The following STK33 variants were observed in gnomAD, a reference collection of about 807,000 sequenced individuals.
STK33 encodes the protein serine/threonine-protein kinase 33.
STK33 carries 52 observed loss-of-function variants against 58.0 expected under a neutral mutation model. That is an observed-to-expected ratio of 0.90 (90% CI 0.72 to 1.13). The LOEUF is 1.13. STK33 is among the 50% of genes most tolerant of loss of function. STK33 has a pLI of 0.00. For synonymous variants in STK33, 215 were observed against 200.1 expected (o/e 1.07, Z -0.63); for missense variants, 630 against 604.2 (o/e 1.04, Z -0.45).
chr11:8,569,868 A>G (rs1442611507), intron 1 of STK33, among the ~76,000 whole-genome samples: 3 of 152,056 alleles, frequency 2.0e-5, no homozygotes, highest in African/African-American at 7.2e-5. Context: ...GAGATGGGAG[A>G]ATCACTTGAG....
At chr11:8,585,907 G>T (rs970032703) in intron 1 of STK33, among the ~76,000 whole-genome samples, 8 of 152,052 alleles carry the variant, frequency 5.3e-5, no homozygotes, top group Admixed American at 3.9e-4. Context: ...TACAAAATTA[G>T]CCAGGTGTGG....
chr11:8,392,828 G>C, intron 15 of STK33, 118 bp from the exon 16 acceptor site: 4 of 864,328 alleles, frequency 4.6e-6, no homozygotes, highest in Non-Finnish European at 7.1e-6. Context: ...CTAGATATAG[G>C]GTCCAAACTA....
rs146587927 is a variant in STK33, at chr11:8,469,887, A to G, written c.339+3276T>C. On this transcript the variant is annotated intron_variant, in intron 6 of 15. Coordinates refer to ENST00000687296, the MANE Select transcript of STK33 (RefSeq NM_001352389.2). ...CATTTTTGTGAGAAGTAGGTCTCAA[A>G]TGTGGGCTTAAAATTTCAGTAAACC... 3.4e-3 allele frequency among the ~76,000 whole-genome samples: 511 copies of G among 152,352 alleles called. 4 individuals are homozygous for G. Among genetic ancestry groups the G allele is most frequent in the African/African-American group, 0.012 (493 of 41,582 alleles).
In STK33 at chr11:8,452,893, C is replaced by T. The variant is rs1365572251; in HGVS notation, c.800G>A (p.Gly267Asp). The change falls in exon 11 of 16, where the codon GGC (glycine) becomes GAC (aspartate). Residue 267 changes from glycine to aspartate, a missense_variant. Physicochemically the swap from Gly to Asp is moderately conservative, Grantham distance 94. Coordinates refer to ENST00000687296, the MANE Select transcript of STK33 (RefSeq NM_001352389.2). ...CCTACTTTGCTTCTTCACCGCTAAG[C>T]CAAAATCAGTCACCTGGGAGAAGAA... Reference protein sequence around the residue: ...INLNIKVTDFGLAVKKQSRSE... With the variant: ...INLNIKVTDFDLAVKKQSRSE... 1 of 1,614,088 alleles carries T rather than the reference C, an allele frequency of 6.2e-7. No homozygotes were observed.
At position 8,457,338 on chromosome 11, in the gene STK33, T is replaced by C. The variant is rs1200712713; in HGVS notation, c.697+3A>G. 1 of 1,561,212 alleles carries C rather than the reference T, an allele frequency of 6.4e-7. No homozygotes were observed. The highest frequency in any genetic ancestry group is 8.7e-7 in the Non-Finnish European group (1 of 1,143,322). ...TCAATGAGCTGGATAACCCTCTTCT[T>C]ACCATTATTGTGAAGATATGCTATA... On this transcript the variant is annotated splice_donor_region_variant and intron_variant, in intron 9 of 15. Transcript: ENST00000687296.
At chr11:8,523,185 C>G (rs532335198) in intron 1 of STK33, among the ~76,000 whole-genome samples, 1 of 152,160 alleles carries the variant, frequency 6.6e-6, no homozygotes, top group Non-Finnish European at 1.5e-5. Flanking sequence ...CCCAAAGTGC[C>G]GAGATTGCAG....
intron 1 of STK33, among the ~76,000 whole-genome samples, chr11:8,489,257 C>CAAAAAAAAAAAAAA (rs377017514): frequency 1.6e-5 from 1 of 64,322 alleles, no homozygotes; most frequent in Non-Finnish European, 2.9e-5. Flanking sequence ...AAGCTATCTC[C>CAAAAAAAAAAAAAA]AAAAAAAAAA....
At chr11:8,445,148 C>T (rs559941667) in intron 11 of STK33, among the ~76,000 whole-genome samples, 5 of 152,216 alleles carry the variant, frequency 3.3e-5, no homozygotes, top group African/African-American at 9.6e-5. Context: ...TTTGTAGCAA[C>T]TGTGAATGGG....
chr11:8,570,558 C>A (rs555189576), intron 1 of STK33, among the ~76,000 whole-genome samples: 1 of 152,022 alleles, frequency 6.6e-6, no homozygotes, highest in Non-Finnish European at 1.5e-5. Flanking sequence ...GGTGGTATAC[C>A]CACACAATGC....
chr11:8,411,806 T>C (rs1297564879), intron 15 of STK33, among the ~76,000 whole-genome samples: 1 of 152,194 alleles, frequency 6.6e-6, no homozygotes, highest in Non-Finnish European at 1.5e-5. Flanking sequence ...TCCTAAAATA[T>C]CAACCAACAT....
intron 1 of STK33, among the ~76,000 whole-genome samples, chr11:8,501,451 T>C (rs1000546250): frequency 6.6e-6 from 1 of 152,106 alleles, no homozygotes; most frequent in African/African-American, 2.4e-5. Flanking sequence ...GCATCATTAG[T>C]TATCAAGAAA....
intron 1 of STK33, among the ~76,000 whole-genome samples, chr11:8,566,548 G>A (rs757171291): frequency 2.0e-5 from 3 of 152,164 alleles, no homozygotes; most frequent in Non-Finnish European, 4.4e-5. Flanking sequence ...AGCCTTTCCT[G>A]TGCCAGATAG....
At chr11:8,418,611 G>A (rs1941468371) in intron 14 of STK33, among the ~76,000 whole-genome samples, 1 of 152,168 alleles carries the variant, frequency 6.6e-6, no homozygotes, top group Admixed American at 6.5e-5. Context: ...CCAGTAATGG[G>A]ATTGCTGAGA....
chr11:8,444,200 AATT>A (rs1215151111), intron 11 of STK33, among the ~76,000 whole-genome samples: 5 of 152,136 alleles, frequency 3.3e-5, no homozygotes, highest in Non-Finnish European at 5.9e-5. Flanking sequence ...ATCTAGATAA[AATT>A]ATTAGTATTA....
At chr11:8,449,835 A>C (rs7129357) in intron 11 of STK33, among the ~76,000 whole-genome samples, 60,939 of 152,050 alleles carry the variant, frequency 0.4, 12,472 homozygotes, top group South Asian at 0.57. Context: ...AGAAATGCAA[A>C]TCATAACCAT....
chr11:8,546,716 A>G lies in STK33; in HGVS notation c.-466+47367T>C, dbSNP rs148515511. ...TTGTCTTTCTGTGCCTGGCTTATTTAAGATAATGACCTCCAGTTCCACCCA... is the reference window on the plus strand; with the variant it reads ...TTGTCTTTCTGTGCCTGGCTTATTTGAGATAATGACCTCCAGTTCCACCCA... On this transcript the variant is annotated intron_variant, in intron 1 of 15. Coordinates refer to ENST00000687296, the MANE Select transcript of STK33 (RefSeq NM_001352389.2). Among the ~76,000 whole-genome samples the G allele has an allele frequency of 1.2e-3, 179 of 151,070 alleles. 1 individual carries two copies. In the East Asian group the frequency reaches 0.029, roughly 24 times the overall value.
Position 8,433,460 on chromosome 11 carries a change from G to A in STK33, c.1146+2034C>T, listed in dbSNP as rs185012871. Among the ~76,000 whole-genome samples, 154 of 152,238 alleles carry A rather than the reference G, an allele frequency of 1.0e-3. 2 individuals carry two copies. The highest frequency in any genetic ancestry group is 2.1e-4 in the Non-Finnish European group (14 of 68,010). Reference sequence around the variant, plus strand: ...TATCTTTTCAGCCCAGTGGCTTTAAGTGGTGTTTGTATACTCATGATTCTC... The same window carrying A: ...TATCTTTTCAGCCCAGTGGCTTTAAATGGTGTTTGTATACTCATGATTCTC... On this transcript the variant is annotated intron_variant, in intron 14 of 15. Transcript: ENST00000687296.
At chr11:8,495,719 C>T (rs879998820) in intron 1 of STK33, among the ~76,000 whole-genome samples, 1 of 152,130 alleles carries the variant, frequency 6.6e-6, no homozygotes, top group Non-Finnish European at 1.5e-5. Context: ...CAATGATAGA[C>T]TGGATTAAGA....
chr11:8,426,731 C>T (rs1417387912), intron 14 of STK33, among the ~76,000 whole-genome samples: 2 of 151,952 alleles, frequency 1.3e-5, no homozygotes, highest in Non-Finnish European at 2.9e-5. Flanking sequence ...TTTTATCTTT[C>T]CTACTACTTT....
Sources: gnomAD v4.1 joint callset for allele counts (sites outside exome capture counted in the v4.1 genomes callset) on GRCh38, gnomAD v4.1.1 for gene constraint, MANE v1.5 for transcripts, NCBI Gene and HGNC (gene_info 2026-07-23, HGNC 2026-07-21) for gene names.